The following SOS2 variants were observed in gnomAD, a reference collection of about 807,000 sequenced individuals.
SOS2 encodes the protein son of sevenless homolog 2.
Under a neutral mutation model 148.2 loss-of-function variants are expected in SOS2, and 65 were observed. That is an observed-to-expected ratio of 0.44 (90% CI 0.36 to 0.54). The LOEUF (loss-of-function observed/expected upper bound fraction) is 0.54. Among genes scored for constraint, SOS2 ranks in the 20% least tolerant of loss-of-function variants. The pLI, the probability that SOS2 is intolerant of heterozygous loss-of-function variation, is 0.00. For missense variants in SOS2, 1,341 were observed against 1,590.2 expected, an observed-to-expected ratio of 0.84 and a Z score of 2.67; for synonymous variants, 539 against 537.1, an observed-to-expected ratio of 1.00 and a Z score of -0.05.
In SOS2 at chr14:50,130,851, G is replaced by T. The variant is rs553346371; in HGVS notation, c.3076-89C>A. 17 of 1,148,392 alleles carry T rather than the reference G, an allele frequency of 1.5e-5. No homozygotes were observed. In the East Asian group the frequency reaches 4.2e-4, roughly 28 times the overall value. The allele number at this position is 1,148,392 out of a possible 1,614,324, so 71.1% of individuals were successfully genotyped here. A position where few individuals can be genotyped will look rare whatever the true frequency, so the allele number is the denominator to read the frequency against. ...TAGAGCTACCTTATTAGTCTTATTA[G>T]TTCTTAAGCATACAGTTCTTAAGCG... On this transcript the variant is annotated intron_variant, in intron 19 of 22. Transcript: ENST00000216373.
chr14:50,145,013 A>T (rs1884423010), intron 16 of SOS2, among the ~76,000 whole-genome samples, 157 bp downstream of exon 16: 2 of 151,960 alleles, frequency 1.3e-5, no homozygotes, highest in African/African-American at 4.8e-5. Context: ...ATATTAACTA[A>T]TATATCAACA....
chr14:50,171,331 G>T lies in SOS2; in HGVS notation c.1068+3123C>A, dbSNP rs150259064. On this transcript the variant is annotated intron_variant, in intron 8 of 22. Coordinates refer to ENST00000216373, the MANE Select transcript of SOS2 (RefSeq NM_006939.4). ...AAATAATTCAAAGCAAGGTCTCAAA[G>T]ACATATTTGTACACTCACATTCACA... Among the ~76,000 whole-genome samples the T allele has an allele frequency of 1.6e-3, 240 of 151,992 alleles. 3 individuals are homozygous for T. The East Asian group carries it at 0.02, about 13-fold the overall frequency.
chr14:50,145,554 T>G lies in SOS2; in HGVS notation c.2427A>C (p.Lys809Asn), dbSNP rs1884440080. The change falls in exon 15 of 23, where the codon AAA (lysine) becomes AAC (asparagine). Residue 809 changes from lysine (K) to asparagine (N), a missense_variant. Lys to Asn is a moderately conservative substitution (Grantham distance 94). Coordinates refer to ENST00000216373, the MANE Select transcript of SOS2 (RefSeq NM_006939.4). ...PSELVGSVWTKEDKEINSPNL... is the reference protein window; with the variant it reads ...PSELVGSVWTNEDKEINSPNL... ...TTGGAGAATTTATTTCTTTATCTTCTTTGGTCCACACACTCCCTACAAGTT... is the reference window on the plus strand; with the variant it reads ...TTGGAGAATTTATTTCTTTATCTTCGTTGGTCCACACACTCCCTACAAGTT... 6.2e-7 allele frequency: 1 copy of G among 1,611,326 alleles called. No individual in the cohort carries two copies. The highest frequency in any genetic ancestry group is 1.7e-5 in the Admixed American group (1 of 59,636).
intron 8 of SOS2, among the ~76,000 whole-genome samples, chr14:50,170,146 T>C (rs543273615): frequency 7.1e-4 from 108 of 151,164 alleles, no homozygotes; most frequent in Middle Eastern, 3.5e-3. Flanking sequence ...TTGCCCAGGC[T>C]GGTCTTGAAC....
intron 5 of SOS2, among the ~76,000 whole-genome samples, chr14:50,183,027 A>G (rs1390703552): frequency 6.6e-6 from 1 of 152,266 alleles, no homozygotes; most frequent in African/African-American, 2.4e-5. Context: ...ATAAAGCAAT[A>G]TATTTCCATT....
chr14:50,179,956 G>A (rs965613942), intron 7 of SOS2, among the ~76,000 whole-genome samples: 1 of 151,762 alleles, frequency 6.6e-6, no homozygotes, highest in Non-Finnish European at 1.5e-5. Context: ...CTCCTATAGG[G>A]AACATAATCC....
Position 50,150,178 on chromosome 14 carries a change from C to T in SOS2, c.2214G>A (p.Lys738=). The T allele has an allele frequency of 2.5e-6, 4 of 1,613,622 alleles. No individual in the cohort carries two copies. Among genetic ancestry groups the T allele is most frequent in the Non-Finnish European group, 2.5e-6 (3 of 1,179,540 alleles). Residue 738 remains lysine, a synonymous_variant, in exon 14 of 23, where the codon AAG becomes AAA. Transcript: ENST00000216373. ...TTACTCCGTTTGCCTGAGCTTGCTT[C>T]TTCCTCCTGATGATCTTAGCAATTG... ...VESIAKIIRR[K]KQAQANGVSH...
rs553222941 is a variant in SOS2 at position 50,178,879 on chromosome 14, G to A, written c.969+1693C>T. 1.4e-4 allele frequency among the ~76,000 whole-genome samples: 22 copies of A among 151,922 alleles called. 1 individual carries two copies. The highest frequency in any genetic ancestry group is 2.9e-4 in the Non-Finnish European group (20 of 67,932). Reference sequence around the variant, plus strand: ...CTCCCGAGTAGCTGGGATTACAGGTGCATGCCACCACACCCAGCTAATTTT... The same window carrying A: ...CTCCCGAGTAGCTGGGATTACAGGTACATGCCACCACACCCAGCTAATTTT... On this transcript the variant is annotated intron_variant, in intron 7 of 22. Coordinates refer to ENST00000216373, the MANE Select transcript of SOS2 (RefSeq NM_006939.4).
At chr14:50,194,703 G>A (rs1213990058) in intron 4 of SOS2, among the ~76,000 whole-genome samples, 1 of 150,908 alleles carries the variant, frequency 6.6e-6, no homozygotes, top group African/African-American at 2.4e-5. Context: ...GCTTGAAACT[G>A]GGAGGCAGAG....
intron 14 of SOS2, among the ~76,000 whole-genome samples, chr14:50,149,339 C>T (rs898437016): frequency 3.3e-5 from 5 of 152,020 alleles, no homozygotes; most frequent in Non-Finnish European, 7.3e-5. Context: ...GAAAGCCTGT[C>T]GTTCAAGGCA....
intron 21 of SOS2, among the ~76,000 whole-genome samples, chr14:50,124,699 T>C (rs756685392): frequency 5.3e-5 from 8 of 152,212 alleles, no homozygotes; most frequent in Non-Finnish European, 1.2e-4. Flanking sequence ...ATTCCTCAGA[T>C]TTCTAATGAT....
At chr14:50,211,275 A>G (rs1886860589) in intron 1 of SOS2, among the ~76,000 whole-genome samples, 1 of 152,208 alleles carries the variant, frequency 6.6e-6, no homozygotes. Flanking sequence ...ATATGTTATT[A>G]AAATCAACTT....
intron 21 of SOS2, among the ~76,000 whole-genome samples, chr14:50,122,904 T>C (rs1883564713): frequency 6.6e-6 from 1 of 152,220 alleles, no homozygotes; most frequent in Non-Finnish European, 1.5e-5. Context: ...TCAACAGTTA[T>C]TGGGCACCTG....
rs778941379 is a variant in SOS2, at chr14:50,145,277, T to A, written c.2560A>T (p.Ile854Leu). 2 of 1,611,720 alleles carry A rather than the reference T, an allele frequency of 1.2e-6. No homozygotes were observed. The highest frequency in any genetic ancestry group is 1.1e-5 in the South Asian group (1 of 90,628). ...TCTTGAAAAACTTGCAGAATTTCTA[T>A]AATTCTACTTAGTACTGCCACCCGT... ...EERVAVLSRI[I>L]EILQVFQDLN... Residue 854 changes from isoleucine (I) to leucine (L), a missense_variant, in exon 16 of 23, where the codon ATA becomes TTA. Coordinates refer to ENST00000216373, the MANE Select transcript of SOS2 (RefSeq NM_006939.4).
In SOS2 at chr14:50,161,483, C is replaced by G. The variant is rs1885007465; in HGVS notation, c.1195G>C (p.Gly399Arg). 6.2e-7 allele frequency: 1 copy of G among 1,609,018 alleles called. No homozygotes were observed. Among genetic ancestry groups the G allele is most frequent in the African/African-American group, 1.3e-5 (1 of 74,756 alleles). The change falls in exon 9 of 23, where the codon GGA becomes CGA. Residue 399 changes from glycine to arginine, a missense_variant and splice_region_variant. Physicochemically the swap from Gly to Arg is moderately radical, Grantham distance 125. This residue lies in a region of SOS2 where 574 missense variants were observed against 711.1 expected (regional missense o/e 0.81). Transcript: ENST00000216373. ...YKQYSPRRRP[G>R]DPVCPFYSHQ... The stretch of plus-strand genomic sequence containing the variant: ...ACGTTTTCAACACTTTGGAATTACC[C>G]AGGTCGACGTCTAGGTGAATACTGC...
chr14:50,225,729 C>T (rs1473659832), intron 1 of SOS2, among the ~76,000 whole-genome samples: 1 of 152,136 alleles, frequency 6.6e-6, no homozygotes, highest in Non-Finnish European at 1.5e-5. Flanking sequence ...ATCACAGGAT[C>T]TCTTATTAGT....
intron 11 of SOS2, 73 bp from the exon 12 acceptor site, chr14:50,157,194 C>A (rs1376281720): frequency 1.3e-6 from 2 of 1,526,128 alleles, no homozygotes; most frequent in Non-Finnish European, 1.8e-6. Flanking sequence ...CAGCAAGCAA[C>A]CTTCTTTCCT....
Position 50,158,596 on chromosome 14 carries a change from G to T in SOS2, c.1903C>A (p.Pro635Thr). The T allele has an allele frequency of 6.2e-7, 1 of 1,608,164 alleles. No homozygotes were observed. Among genetic ancestry groups the T allele is most frequent in the Non-Finnish European group, 8.5e-7 (1 of 1,176,520 alleles). ...ATCAGTAAGCTCAGCAATTCCTGTGGTTTACAAAATGAACGATATGTGGTA... is the reference window on the plus strand; with the variant it reads ...ATCAGTAAGCTCAGCAATTCCTGTGTTTTACAAAATGAACGATATGTGGTA... ...FLTTYRSFCK[P>T]QELLSLLIER... The change falls in exon 11 of 23, where the codon CCA becomes ACA. Residue 635 changes from proline to threonine, a missense_variant. Physicochemically the swap from Pro to Thr is conservative, Grantham distance 38. Transcript: ENST00000216373.
intron 14 of SOS2, among the ~76,000 whole-genome samples, chr14:50,147,404 C>T (rs1242801298): frequency 6.7e-6 from 1 of 149,838 alleles, no homozygotes; most frequent in Non-Finnish European, 1.5e-5. Context: ...TCTAGCTACT[C>T]GAGAGGCTGA....
Sources: gnomAD v4.1 joint callset for allele counts (sites outside exome capture counted in the v4.1 genomes callset) on GRCh38, gnomAD v4.1.1 for gene constraint, gnomAD v4.1.1 regional missense constraint, MANE v1.5 for transcripts, NCBI Gene and HGNC (gene_info 2026-07-23, HGNC 2026-07-21) for gene names.